Variants in KIF21A observed in about 807,000 individuals in gnomAD.
The protein encoded by KIF21A is kinesin family member 21A, also known as kinesin-like protein KIF21A.
In KIF21A, 114 loss-of-function variants were observed where a neutral mutation model predicts 202.9. That is an observed-to-expected ratio of 0.56 (90% CI 0.48 to 0.66). The LOEUF (loss-of-function observed/expected upper bound fraction) is 0.66. Among genes scored for constraint, KIF21A ranks in the 30% least tolerant of loss-of-function variants. The pLI is 0.00. For synonymous variants in KIF21A, 667 were observed against 670.8 expected (o/e 0.99, Z 0.09); for missense variants, 1,677 against 1,994.9 (o/e 0.84, Z 3.04).
chr12:39,378,885 C>A (rs1165860590), intron 1 of KIF21A, among the ~76,000 whole-genome samples: 1 of 152,086 alleles, frequency 6.6e-6, no homozygotes, highest in African/African-American at 2.4e-5. Context: ...ATACAGGAAA[C>A]TATATTTGAC....
At chr12:39,414,681 T>C (rs550748446) in intron 1 of KIF21A, among the ~76,000 whole-genome samples, 26 of 152,302 alleles carry the variant, frequency 1.7e-4, no homozygotes, top group African/African-American at 5.8e-4. Flanking sequence ...CAGTGAAGTC[T>C]AAGCAGATAT....
chr12:39,333,183 C>A, intron 18 of KIF21A, 29 bp downstream of exon 18: 1 of 1,610,938 alleles, frequency 6.2e-7, no homozygotes, highest in Non-Finnish European at 8.5e-7. Flanking sequence ...CAGAAGGTTT[C>A]TTCCAAATGG....
chr12:39,404,976 C>CTT (rs150094448), intron 1 of KIF21A, among the ~76,000 whole-genome samples: 4 of 150,210 alleles, frequency 2.7e-5, no homozygotes, highest in African/African-American at 9.8e-5. Context: ...TTTCCTAAGG[C>CTT]TTTTTTTTTC....
rs77580509 is a variant in KIF21A, at chr12:39,388,454, T to G, written c.45-18193A>C. ...AGGTATTTGCTTATAGTAACAAAAA[T>G]GGACGAAGACATTCTCCCTGTTCCT... On this transcript the variant is annotated intron_variant, in intron 1 of 37. Transcript: ENST00000361418. 1.7e-3 allele frequency among the ~76,000 whole-genome samples: 253 copies of G among 152,288 alleles called. 8 individuals are homozygous for G. In the East Asian group the frequency reaches 0.043, roughly 26 times the overall value.
At chr12:39,300,854 C>T (rs1240494669) in intron 37 of KIF21A, among the ~76,000 whole-genome samples, 1 of 152,110 alleles carries the variant, frequency 6.6e-6, no homozygotes, top group African/African-American at 2.4e-5. Context: ...CCCTTTCTCT[C>T]TTTTCTTTTT....
intron 7 of KIF21A, among the ~76,000 whole-genome samples, chr12:39,359,095 C>A (rs1949011866): frequency 6.6e-6 from 1 of 152,146 alleles, no homozygotes. Context: ...AATTAAGGAG[C>A]AGTCTACTTA....
chr12:39,377,283 T>G (rs568921063), intron 1 of KIF21A, among the ~76,000 whole-genome samples: 1 of 152,284 alleles, frequency 6.6e-6, no homozygotes, highest in African/African-American at 2.4e-5. Flanking sequence ...GATCATTATG[T>G]TGGATGCTAC....
Position 39,318,171 on chromosome 12 carries a change from A to G in KIF21A, c.3810T>C (p.Leu1270=). Residue 1270 remains leucine, a synonymous_variant, in exon 29 of 38, where the codon CTT becomes CTC. Coordinates refer to ENST00000361418, the MANE Select transcript of KIF21A (RefSeq NM_001173464.2). ...HSDSGTSEAS[L]SPPSSPPSRP... ...GGCTTGGTGGGGAAGAAGGAGGTGAAAGACTAGCCTCTGAAGTTCCAGAAT... is the reference window on the plus strand; with the variant it reads ...GGCTTGGTGGGGAAGAAGGAGGTGAGAGACTAGCCTCTGAAGTTCCAGAAT... 6.2e-7 allele frequency: 1 copy of G among 1,613,656 alleles called. No individual in the cohort carries two copies. Among genetic ancestry groups the G allele is most frequent in the Non-Finnish European group, 8.5e-7 (1 of 1,179,620 alleles).
In KIF21A at chr12:39,442,918, T is replaced by C. The variant is rs762977462; in HGVS notation, c.44+9A>G. The C allele has an allele frequency of 5.3e-6, 8 of 1,523,620 alleles. No individual in the cohort carries two copies. Among genetic ancestry groups the C allele is most frequent in the South Asian group, 4.8e-5 (4 of 82,988 alleles). The allele number at this position is 1,523,620 out of a possible 1,614,324, so 94.4% of individuals were successfully genotyped here. Reference sequence around the variant, plus strand: ...CGCCCGCCGCCCGCCGCCGGCAGACTGTCCTCACCTGACAGCCACCCGCAC... The same window carrying C: ...CGCCCGCCGCCCGCCGCCGGCAGACCGTCCTCACCTGACAGCCACCCGCAC... On this transcript the variant is annotated intron_variant, in intron 1 of 37. Coordinates refer to ENST00000361418, the MANE Select transcript of KIF21A (RefSeq NM_001173464.2). This position sits in a 1 kb window ranked among gnomAD's most constrained non-coding sequence, Gnocchi z 5.0.
chr12:39,394,866 G>A (rs1204902572), intron 1 of KIF21A, among the ~76,000 whole-genome samples: 1 of 152,070 alleles, frequency 6.6e-6, no homozygotes, highest in African/African-American at 2.4e-5. Context: ...CATATATATC[G>A]AAGGACAACT....
At chr12:39,370,303 C>CAA (rs35519089) in intron 1 of KIF21A, 42 bp from the exon 2 acceptor site, 39 of 1,421,278 alleles carry the variant, frequency 2.7e-5, no homozygotes, top group African/African-American at 2.7e-4. Context: ...AAATAAATGG[C>CAA]AAAAAAAAAC....
chr12:39,365,716 T>C (rs2139076726), intron 6 of KIF21A, among the ~76,000 whole-genome samples: 1 of 152,346 alleles, frequency 6.6e-6, no homozygotes. Context: ...AATAACTTAA[T>C]ATTAAATTTT....
chr12:39,411,611 C>A (rs1441735542), intron 1 of KIF21A, among the ~76,000 whole-genome samples: 1 of 152,222 alleles, frequency 6.6e-6, no homozygotes, highest in Non-Finnish European at 1.5e-5. Flanking sequence ...ACTGCAGCAT[C>A]AATCTCCTGG....
intron 1 of KIF21A, among the ~76,000 whole-genome samples, chr12:39,429,621 T>C (rs1221036652): frequency 1.3e-5 from 2 of 152,216 alleles, no homozygotes; most frequent in Non-Finnish European, 2.9e-5. Context: ...GTCAATTAAT[T>C]CTCATAACGA....
At chr12:39,385,322 A>G (rs922505814) in intron 1 of KIF21A, among the ~76,000 whole-genome samples, 5 of 152,134 alleles carry the variant, frequency 3.3e-5, no homozygotes, top group African/African-American at 1.2e-4. Context: ...AATGCCTGCC[A>G]CCAGTACCAA....
chr12:39,430,857 T>C (rs973530802), intron 1 of KIF21A, among the ~76,000 whole-genome samples: 1 of 152,226 alleles, frequency 6.6e-6, no homozygotes, highest in South Asian at 2.1e-4. Context: ...AGTGGCTTTG[T>C]AAGAAGAAGA....
chr12:39,441,660 T>TTAAAAAAAAAAAAAAAAAAA (rs767481998), intron 1 of KIF21A, among the ~76,000 whole-genome samples: 1 of 37,788 alleles, frequency 2.6e-5, no homozygotes, highest in African/African-American at 1.0e-4. Flanking sequence ...CCCTGGGTGG[T>TTAAAAAAAAAAAAAAAAAAA]AAAAAAAAAA....
Position 39,311,454 on chromosome 12 carries a change from C to CTGATGATTCTCATCAGTAGAAT in KIF21A, c.4058_4059insATTCTACTGATGAGAATCATCA (p.Asp1354PhefsTer3). On this transcript the variant is annotated stop_gained and frameshift_variant, in exon 32 of 38. Coordinates refer to ENST00000361418, the MANE Select transcript of KIF21A (RefSeq NM_001173464.2). LOFTEE classifies it high-confidence loss of function. The stretch of plus-strand genomic sequence containing the variant: ...TGAAGAGGAGATCATCAGTAGAATC[C>CTGATGATTCTCATCAGTAGAAT]ACACAGAGCACAGCTTTTGTATGCC... The CTGATGATTCTCATCAGTAGAAT allele has an allele frequency of 6.2e-7, 1 of 1,613,026 alleles. No homozygotes were observed. Among genetic ancestry groups the CTGATGATTCTCATCAGTAGAAT allele is most frequent in the Non-Finnish European group, 8.5e-7 (1 of 1,179,238 alleles).
At chr12:39,322,944 G>A (rs1320114339) in intron 26 of KIF21A, 62 bp from the exon 27 acceptor site, 1 of 1,258,734 alleles carries the variant, frequency 7.9e-7, no homozygotes, top group Non-Finnish European at 1.1e-6. Flanking sequence ...GCTGATTAGA[G>A]AACAGAGATT....
Sources: allele counts gnomAD v4.1 joint callset (sites outside exome capture counted in the v4.1 genomes callset), GRCh38; gene constraint gnomAD v4.1.1; non-coding constraint Gnocchi (gnomAD v3.1); transcripts MANE v1.5; gene names NCBI Gene and HGNC (gene_info 2026-07-23, HGNC 2026-07-21).